SEMA5A: variants seen among roughly 807,000 people sequenced by gnomAD.
SEMA5A encodes the protein semaphorin 5A, also known as semaphorin-5A.
SEMA5A carries 55 observed loss-of-function variants against 135.5 expected under a neutral mutation model. That is an observed-to-expected ratio of 0.41 (90% CI 0.33 to 0.51). SEMA5A has a LOEUF of 0.51. Ranked by LOEUF, SEMA5A falls within the 20% of genes least tolerant of loss-of-function variation. SEMA5A has a pLI of 0.37. For missense variants in SEMA5A, 1,290 were observed against 1,419.9 expected (o/e 0.91, Z 1.47); for synonymous variants, 580 against 546.5 (o/e 1.06, Z -0.85).
chr5:9,440,409 T>C (rs963034243), intron 1 of SEMA5A, among the ~76,000 whole-genome samples: 2 of 152,238 alleles, frequency 1.3e-5, no homozygotes, highest in Non-Finnish European at 2.9e-5. Context: ...TATAAACATA[T>C]AAATTTCTCT....
chr5:9,369,123 T>C (rs1026297592), intron 3 of SEMA5A, among the ~76,000 whole-genome samples: 4 of 152,246 alleles, frequency 2.6e-5, no homozygotes, highest in Admixed American at 2.0e-4. Flanking sequence ...TATCTCACTA[T>C]GCAGTTATGT....
chr5:9,524,548 T>G (rs909289020), intron 1 of SEMA5A, among the ~76,000 whole-genome samples: 1 of 152,208 alleles, frequency 6.6e-6, no homozygotes, highest in Non-Finnish European at 1.5e-5. Context: ...CGGAGCCCTT[T>G]GAACCAATCT....
At chr5:9,424,825 C>G (rs1757587811) in intron 2 of SEMA5A, among the ~76,000 whole-genome samples, 1 of 152,116 alleles carries the variant, frequency 6.6e-6, no homozygotes, top group African/African-American at 2.4e-5. Context: ...CCACTTTTCT[C>G]CTTCTACACT....
intron 2 of SEMA5A, among the ~76,000 whole-genome samples, chr5:9,433,613 C>A: frequency 6.7e-6 from 1 of 148,706 alleles, no homozygotes; most frequent in Non-Finnish European, 1.5e-5. Flanking sequence ...CCTTCCCTTC[C>A]TCCTTTCTCT....
At chr5:9,484,551 C>T (rs1156809645) in intron 1 of SEMA5A, among the ~76,000 whole-genome samples, 1 of 152,054 alleles carries the variant, frequency 6.6e-6, no homozygotes, top group Non-Finnish European at 1.5e-5. Flanking sequence ...AAGAAAAGTA[C>T]CAGAAATAAC....
Position 9,169,435 on chromosome 5 carries a change from C to A in SEMA5A, c.1274-14740G>T, listed in dbSNP as rs189572871. Reference sequence around the variant, plus strand: ...AGTAATACATATATAATGAGTTTGGCTTTGTTCAGATAGTTGGATGATAGC... The same window carrying A: ...AGTAATACATATATAATGAGTTTGGATTTGTTCAGATAGTTGGATGATAGC... On this transcript the variant is annotated intron_variant, in intron 11 of 22. Transcript: ENST00000382496. Among the ~76,000 whole-genome samples the A allele has an allele frequency of 5.3e-5, 8 of 152,288 alleles. No individual in the cohort carries two copies. In the East Asian group the frequency reaches 1.5e-3, roughly 29 times the overall value.
In SEMA5A at chr5:9,035,505, C is replaced by T. The variant is rs1247892111; in HGVS notation, c.*7392G>A. The T allele has an allele frequency of 6.6e-6, 1 of 152,040 alleles. No individual in the cohort carries two copies. The highest frequency in any genetic ancestry group is 1.5e-5 in the Non-Finnish European group (1 of 68,008). 9.4% of individuals were successfully genotyped at this position (152,040 alleles called of 1,614,324 possible). A position where few individuals can be genotyped will look rare whatever the true frequency, so the allele number is the denominator to read the frequency against. On this transcript the variant is annotated 3_prime_UTR_variant, in exon 23 of 23. Coordinates refer to ENST00000382496, the MANE Select transcript of SEMA5A (RefSeq NM_003966.3). ...GCAGCAGGTAATGAGTTTCCAGTTG[C>T]CACAATTGGTGTCTTAAGCTGATTT...
At chr5:9,353,311 AG>A (rs1375390482) in intron 3 of SEMA5A, among the ~76,000 whole-genome samples, 4 of 127,086 alleles carry the variant, frequency 3.1e-5, no homozygotes, top group Admixed American at 1.6e-4. Context: ...AGGGAAGGGA[AG>A]GGAAAGGAAG....
At chr5:9,197,999 G>A (rs1236602938) in intron 9 of SEMA5A, among the ~76,000 whole-genome samples, 1 of 152,044 alleles carries the variant, frequency 6.6e-6, no homozygotes, top group African/African-American at 2.4e-5. Context: ...TCATAAATGG[G>A]AGCCCTCAGA....
At chr5:9,140,314 C>CT (rs375587714) in intron 12 of SEMA5A, among the ~76,000 whole-genome samples, 378 of 152,268 alleles carry the variant, frequency 2.5e-3, no homozygotes, top group African/African-American at 8.4e-3. Flanking sequence ...TTTAATAACA[C>CT]TTTTTTGTGC....
intron 3 of SEMA5A, among the ~76,000 whole-genome samples, chr5:9,349,424 A>T (rs1314284256): frequency 1.3e-5 from 2 of 152,228 alleles, no homozygotes; most frequent in African/African-American, 4.8e-5. Context: ...CCTTCAAGAC[A>T]TTTATAATTT....
At chr5:9,359,072 C>A (rs77340160) in intron 3 of SEMA5A, among the ~76,000 whole-genome samples, 1,628 of 152,208 alleles carry the variant, frequency 0.011, 27 homozygotes, top group African/African-American at 0.037. Context: ...CCCAGATCCT[C>A]AGCAGCAGCA....
At chr5:9,383,163 G>T (rs1269414911) in intron 2 of SEMA5A, among the ~76,000 whole-genome samples, 2 of 152,204 alleles carry the variant, frequency 1.3e-5, no homozygotes, top group Non-Finnish European at 2.9e-5. Context: ...CTTTTGAAAA[G>T]GAGTTACAGT....
At chr5:9,274,427 C>G (rs933311636) in intron 5 of SEMA5A, among the ~76,000 whole-genome samples, 21 of 152,230 alleles carry the variant, frequency 1.4e-4, no homozygotes, top group African/African-American at 5.1e-4. Context: ...ATCAATGAGA[C>G]AGAAAATTAC....
At chr5:9,141,193 T>A (rs1056518905) in intron 12 of SEMA5A, among the ~76,000 whole-genome samples, 1 of 152,246 alleles carries the variant, frequency 6.6e-6, no homozygotes, top group African/African-American at 2.4e-5. Flanking sequence ...TAAGAAAATC[T>A]ATTACACAAT....
At chr5:9,190,882 T>C (rs1485460398) in intron 10 of SEMA5A, among the ~76,000 whole-genome samples, 2 of 152,294 alleles carry the variant, frequency 1.3e-5, no homozygotes, top group East Asian at 1.9e-4. Flanking sequence ...GGATCTCATA[T>C]AGATGTATTA....
intron 16 of SEMA5A, among the ~76,000 whole-genome samples, chr5:9,074,622 ATT>A (rs1737946241): frequency 6.6e-6 from 1 of 152,188 alleles, no homozygotes; most frequent in Non-Finnish European, 1.5e-5. Context: ...CCCATTATGT[ATT>A]TTAAAAGTTA....
chr5:9,110,054 C>T (rs1740157495), intron 15 of SEMA5A, among the ~76,000 whole-genome samples: 1 of 152,174 alleles, frequency 6.6e-6, no homozygotes, highest in East Asian at 1.9e-4. Flanking sequence ...CGGGATGAGG[C>T]ACACTGAACC....
At chr5:9,337,042 T>G (rs1167784397) in intron 4 of SEMA5A, among the ~76,000 whole-genome samples, 1 of 152,174 alleles carries the variant, frequency 6.6e-6, no homozygotes, top group Admixed American at 6.5e-5. Context: ...GAAGTGATAG[T>G]GAAAACAGGG....
Sources: gnomAD v4.1 joint callset for allele counts (sites outside exome capture counted in the v4.1 genomes callset) on GRCh38, gnomAD v4.1.1 for gene constraint, MANE v1.5 for transcripts, NCBI Gene and HGNC (gene_info 2026-07-23, HGNC 2026-07-21) for gene names.